Variants in PDS5B observed in about 807,000 individuals in gnomAD.
PDS5B encodes the protein PDS5 cohesin associated factor B.
Under a neutral mutation model 184.1 loss-of-function variants are expected in PDS5B, and 51 were observed. The observed-to-expected ratio is 0.28, with a 90% CI of 0.22 to 0.35. PDS5B has a LOEUF of 0.35. PDS5B is among the 10% of genes least tolerant of loss of function. The pLI is 1.00. For synonymous variants in PDS5B, 566 were observed against 569.2 expected, an observed-to-expected ratio of 0.99 and a Z score of 0.08; for missense variants, 1,180 against 1,723.3, an observed-to-expected ratio of 0.68 and a Z score of 5.58.
At chr13:32,690,419 A>G (rs377517781) in intron 13 of PDS5B, 3 of 152,318 alleles carry the variant, frequency 2.0e-5, no homozygotes, top group South Asian at 4.1e-4. Flanking sequence ...GTAATAGGTA[A>G]GTAATGAGTA....
At chr13:32,615,150 T>A (rs1256474398) in intron 1 of PDS5B, among the ~76,000 whole-genome samples, 1 of 152,208 alleles carries the variant, frequency 6.6e-6, no homozygotes, top group East Asian at 1.9e-4. Context: ...GATAGCATGT[T>A]TTGTCTATTT....
At chr13:32,773,802 C>T (rs924364325) in intron 34 of PDS5B, among the ~76,000 whole-genome samples, 1 of 152,016 alleles carries the variant, frequency 6.6e-6, no homozygotes, top group Non-Finnish European at 1.5e-5. Context: ...TGTGTTACTT[C>T]CTGACTTTTT....
chr13:32,699,937 A>G (rs1951820064), intron 16 of PDS5B, 68 bp downstream of exon 16: 1 of 1,390,198 alleles, frequency 7.2e-7, no homozygotes, highest in Non-Finnish European at 9.6e-7. Context: ...TCTCTTTTAT[A>G]AAAGTAATTT....
intron 19 of PDS5B, among the ~76,000 whole-genome samples, chr13:32,731,183 A>C (rs1379507575): frequency 6.6e-6 from 1 of 152,006 alleles, no homozygotes; most frequent in Non-Finnish European, 1.5e-5. Flanking sequence ...TTTTAATGAT[A>C]CTTCACCTTT....
At chr13:32,633,822 G>A (rs1285489486) in intron 1 of PDS5B, among the ~76,000 whole-genome samples, 2 of 152,096 alleles carry the variant, frequency 1.3e-5, no homozygotes, top group African/African-American at 2.4e-5. Context: ...CTTTTAATGA[G>A]GTAGAATTAA....
intron 7 of PDS5B, 105 bp downstream of exon 7, chr13:32,667,949 A>G (rs1470660518): frequency 1.9e-6 from 1 of 534,028 alleles, no homozygotes; most frequent in Non-Finnish European, 3.3e-6. Context: ...AAAACAACAA[A>G]TTTGTGTTGT....
chr13:32,667,284 C>A (rs1803131340), intron 6 of PDS5B, among the ~76,000 whole-genome samples: 1 of 152,108 alleles, frequency 6.6e-6, no homozygotes, highest in Non-Finnish European at 1.5e-5. Flanking sequence ...TTTGACTTAC[C>A]TGTGCTCTGA....
chr13:32,721,939 A>G (rs1202729002), intron 19 of PDS5B, among the ~76,000 whole-genome samples: 2 of 152,078 alleles, frequency 1.3e-5, no homozygotes, highest in African/African-American at 4.8e-5. Flanking sequence ...GATGCTCCTC[A>G]CCTCCCAGAC....
At chr13:32,694,330 GT>G in intron 14 of PDS5B, 26 bp downstream of exon 14, 1 of 1,412,696 alleles carries the variant, frequency 7.1e-7, no homozygotes, top group Non-Finnish European at 9.9e-7. Flanking sequence ...TTCCTTCAAT[GT>G]TTTTTAAAAC....
intron 3 of PDS5B, among the ~76,000 whole-genome samples, chr13:32,655,368 A>ATT (rs368287046): frequency 5.5e-4 from 15 of 27,178 alleles, no homozygotes; most frequent in African/African-American, 2.3e-3. Flanking sequence ...CCATATATAT[A>ATT]TATATATTTT....
At chr13:32,739,553 T>G (rs1238066367) in intron 21 of PDS5B, among the ~76,000 whole-genome samples, 1 of 152,228 alleles carries the variant, frequency 6.6e-6, no homozygotes, top group Non-Finnish European at 1.5e-5. Context: ...CAGCTTTGAT[T>G]ATTTTCTAAT....
chr13:32,651,479 C>T (rs1950365646), intron 2 of PDS5B, among the ~76,000 whole-genome samples: 1 of 152,032 alleles, frequency 6.6e-6, no homozygotes, highest in Non-Finnish European at 1.5e-5. Context: ...TCCTTTTAGT[C>T]CAGTTGTACA....
At chr13:32,672,141 A>G (rs183572573) in intron 7 of PDS5B, among the ~76,000 whole-genome samples, 1 of 152,036 alleles carries the variant, frequency 6.6e-6, no homozygotes, top group Admixed American at 6.5e-5. Flanking sequence ...ATATGTACAC[A>G]TCAGAATGTA....
intron 3 of PDS5B, chr13:32,652,577 TAAAAAAA>T (rs10627700): frequency 0.43 from 51,453 of 120,020 alleles, 10,282 homozygotes; most frequent in Non-Finnish European, 0.47. Flanking sequence ...GTCTCTACTT[TAAAAAAA>T]AAAAAAAAAA....
intron 24 of PDS5B, among the ~76,000 whole-genome samples, 170 bp from the exon 25 acceptor site, chr13:32,753,162 G>A (rs1272248146): frequency 1.3e-5 from 2 of 152,094 alleles, no homozygotes; most frequent in East Asian, 1.9e-4. Context: ...GAATATTGCA[G>A]CTTCAAAATG....
At chr13:32,677,363 A>G (rs953292321) in intron 9 of PDS5B, among the ~76,000 whole-genome samples, 1 of 152,058 alleles carries the variant, frequency 6.6e-6, no homozygotes, top group African/African-American at 2.4e-5. Context: ...GCTGGGATGT[A>G]TTTTATTGGT....
At chr13:32,758,488 G>C in intron 27 of PDS5B, 46 bp from the exon 28 acceptor site, 1 of 1,567,098 alleles carries the variant, frequency 6.4e-7, no homozygotes, top group South Asian at 1.1e-5. Flanking sequence ...ACAGAGTCTA[G>C]ATTGCCAGCT....
rs758967357 is a variant in PDS5B, at chr13:32,741,103, A to G, written c.2430A>G (p.Lys810=). 1 of 1,582,500 alleles carries G rather than the reference A, an allele frequency of 6.3e-7. No homozygotes were observed. Among genetic ancestry groups the G allele is most frequent in the Non-Finnish European group, 8.7e-7 (1 of 1,155,886 alleles). ...NDRLPGKKTT[K]LWVPDEEVSP... The stretch of plus-strand genomic sequence containing the variant: ...AGCTTCCAGGGAAAAAGACAACTAA[A>G]CTTTGGGTTCCAGATGAAGAAGTAT... Residue 810 remains lysine (K), a synonymous_variant, in exon 22 of 35, where the codon AAA becomes AAG. Coordinates refer to ENST00000315596, the MANE Select transcript of PDS5B (RefSeq NM_015032.4).
At chr13:32,601,349 A>G (rs981486120) in intron 1 of PDS5B, among the ~76,000 whole-genome samples, 1 of 152,246 alleles carries the variant, frequency 6.6e-6, no homozygotes, top group East Asian at 1.9e-4. Flanking sequence ...CACAGTTGCT[A>G]ACTTAATACA....
Sources: gnomAD v4.1 joint callset for allele counts (sites outside exome capture counted in the v4.1 genomes callset) on GRCh38, gnomAD v4.1.1 for gene constraint, MANE v1.5 for transcripts, NCBI Gene and HGNC (gene_info 2026-07-23, HGNC 2026-07-21) for gene names.